Variants in GPR55 observed in about 807,000 individuals in gnomAD.
GPR55 encodes G protein-coupled receptor 55.
A neutral mutation model predicts 7.9 loss-of-function variants in GPR55; 6 were observed. The ratio of observed to expected loss-of-function variants is 0.76; its 90% CI spans 0.41 to 1.49. GPR55 has a LOEUF of 1.49. GPR55 is among the 40% of genes most tolerant of loss of function. The pLI is 0.01. For synonymous variants in GPR55, 183 were observed against 166.8 expected (o/e 1.10, Z -0.75); for missense variants, 376 against 406.0 (o/e 0.93, Z 0.63).
At chr2:230,940,561 C>T (rs972658326) in intron 1 of GPR55, among the ~76,000 whole-genome samples, 18 of 152,194 alleles carry the variant, frequency 1.2e-4, no homozygotes, top group African/African-American at 4.3e-4. Context: ...TAGGGAGGAG[C>T]CAGTCCACAC....
chr2:230,938,384 G>A lies in GPR55; in HGVS notation c.-135+22391C>T, dbSNP rs570789135. Among the ~76,000 whole-genome samples, 40 of 128,118 alleles carry A rather than the reference G, an allele frequency of 3.1e-4. No homozygotes were observed. The South Asian group carries it at 9.6e-3, about 31-fold the overall frequency. 84.1% of individuals were successfully genotyped at this position (128,118 alleles called of 152,430 possible). On this transcript the variant is annotated intron_variant, in intron 1 of 1. Transcript: ENST00000392039. ...GAAATACAATCAAAGTTCTCTTTCT[G>A]TAACCAGATGACCAAAAAAAAAAAA...
chr2:230,941,754 G>A (rs562651883), intron 1 of GPR55, among the ~76,000 whole-genome samples: 7 of 152,278 alleles, frequency 4.6e-5, no homozygotes, highest in South Asian at 2.1e-4. Context: ...TCAACTCGGG[G>A]TCCCCTTTAT....
chr2:230,915,085 C>T (rs1690678783), intron 1 of GPR55, among the ~76,000 whole-genome samples: 1 of 152,246 alleles, frequency 6.6e-6, no homozygotes, highest in South Asian at 2.1e-4. Flanking sequence ...GCAGAAATCG[C>T]CCCAGGCTAG....
intron 1 of GPR55, among the ~76,000 whole-genome samples, chr2:230,949,153 TTTTGTTTG>T (rs200391901): frequency 1.3e-5 from 2 of 151,350 alleles, no homozygotes; most frequent in Non-Finnish European, 1.5e-5. Context: ...ATGGCTCTTT[TTTTGTTTG>T]TTTGTTTGTT....
At chr2:230,935,744 C>A (rs538720476) in intron 1 of GPR55, among the ~76,000 whole-genome samples, 1 of 152,274 alleles carries the variant, frequency 6.6e-6, no homozygotes, top group East Asian at 1.9e-4. Context: ...GGTTCAGTAT[C>A]CTTTGTCAGA....
At chr2:230,925,010 G>A (rs998667684) in intron 1 of GPR55, among the ~76,000 whole-genome samples, 158 bp downstream of exon 1, 6 of 152,168 alleles carry the variant, frequency 3.9e-5, no homozygotes, top group Non-Finnish European at 5.9e-5. Flanking sequence ...CCGCTGCCCT[G>A]ACACCTGGGA....
chr2:230,919,985 GAA>G (rs200407134), intron 1 of GPR55, among the ~76,000 whole-genome samples: 1 of 142,762 alleles, frequency 7.0e-6, no homozygotes. Flanking sequence ...GCATAGAGGG[GAA>G]AAAAAAAAAA....
chr2:230,957,735 T>C (rs878898125), intron 1 of GPR55: 2 of 538,560 alleles, frequency 3.7e-6, no homozygotes, highest in East Asian at 5.1e-5. Flanking sequence ...GGCTTTGGAC[T>C]TTTTTTTTGT....
intron 1 of GPR55, among the ~76,000 whole-genome samples, chr2:230,919,998 C>A (rs1341172419): frequency 6.8e-6 from 1 of 147,568 alleles, no homozygotes; most frequent in Admixed American, 6.7e-5. Context: ...AAAAAAAAAA[C>A]CTAAAAAAAG....
At position 230,907,993 on chromosome 2, in the gene GPR55, C is replaced by T. The variant is rs534038759; in HGVS notation, c.*2010G>A. 13 of 152,276 alleles carry T rather than the reference C, an allele frequency of 8.5e-5. No individual in the cohort carries two copies. Among genetic ancestry groups the T allele is most frequent in the African/African-American group, 2.9e-4 (12 of 41,520 alleles). 9.4% of individuals were successfully genotyped at this position (152,276 alleles called of 1,614,324 possible). ...TAAATCCACCACCCGTAGACACTGA[C>T]CCGAACCAGCCCCAAATGCCCCGTT... On this transcript the variant is annotated 3_prime_UTR_variant, in exon 2 of 2. Transcript: ENST00000650999.
intron 1 of GPR55, among the ~76,000 whole-genome samples, chr2:230,954,448 C>T (rs1202642516): frequency 2.0e-5 from 3 of 152,228 alleles, no homozygotes; most frequent in Non-Finnish European, 4.4e-5. Context: ...ATGCCACTGG[C>T]CGAAGCCTCC....
At position 230,910,819 on chromosome 2, in the gene GPR55, G is replaced by A. The variant is rs1159524249; in HGVS notation, c.144C>T (p.Phe48=). Residue 48 remains phenylalanine, a synonymous_variant, in exon 2 of 2, where the codon TTC becomes TTT. Transcript: ENST00000650999. The surrounding 1 kb of genome is among the most constrained non-coding windows in gnomAD (Gnocchi z 5.4). ...NLLAIHGFST[F]LKNRWPDYAA... The stretch of plus-strand genomic sequence containing the variant: ...CATAATCGGGCCACCTGTTCTTAAG[G>A]AAGGTGCTGAAGCCATGGATGGCCA... 2 of 1,614,166 alleles carry A rather than the reference G, an allele frequency of 1.2e-6. No homozygotes were observed. Among genetic ancestry groups the A allele is most frequent in the Non-Finnish European group, 1.7e-6 (2 of 1,179,996 alleles).
intron 1 of GPR55, among the ~76,000 whole-genome samples, chr2:230,922,695 G>T (rs1013450330): frequency 2.4e-4 from 36 of 151,756 alleles, no homozygotes; most frequent in Non-Finnish European, 4.3e-4. Context: ...CCTGCCTCAG[G>T]CTCCTGAGTA....
intron 1 of GPR55, among the ~76,000 whole-genome samples, chr2:230,951,619 A>G (rs2125070028): frequency 6.6e-6 from 1 of 152,270 alleles, no homozygotes; most frequent in African/African-American, 2.4e-5. Flanking sequence ...AGGAGTTCAA[A>G]AGGCTGACAG....
chr2:230,932,033 T>C (rs1290694136), intron 1 of GPR55, among the ~76,000 whole-genome samples: 1 of 151,834 alleles, frequency 6.6e-6, no homozygotes, highest in Non-Finnish European at 1.5e-5. Flanking sequence ...CTCCTCACCA[T>C]CCCCAGACAG....
chr2:230,917,168 G>A (rs749953483), intron 1 of GPR55, among the ~76,000 whole-genome samples: 9 of 152,160 alleles, frequency 5.9e-5, no homozygotes, highest in South Asian at 2.1e-4. Context: ...CTTATACACC[G>A]AATGGTGGAA....
intron 1 of GPR55, among the ~76,000 whole-genome samples, chr2:230,941,074 A>G (rs539025324): frequency 0.024 from 3,687 of 151,904 alleles, 137 homozygotes; most frequent in African/African-American, 0.085. Flanking sequence ...CCAAGATGGC[A>G]CCACTGCACT....
chr2:230,911,543 A>G (rs1453515780), intron 1 of GPR55, among the ~76,000 whole-genome samples: 1 of 152,210 alleles, frequency 6.6e-6, no homozygotes, highest in Non-Finnish European at 1.5e-5. Context: ...GTAGCTGGTT[A>G]GTTCATTGGT....
chr2:230,937,046 G>A (rs6748156), intron 1 of GPR55, among the ~76,000 whole-genome samples: 13,296 of 152,032 alleles, frequency 0.087, 1,504 homozygotes, highest in African/African-American at 0.26. Flanking sequence ...AACACAATAG[G>A]CTTCCTTGAA....
Sources: gnomAD v4.1 joint callset for allele counts (sites outside exome capture counted in the v4.1 genomes callset) on GRCh38, gnomAD v4.1.1 for gene constraint, Gnocchi (gnomAD v3.1) non-coding constraint, MANE v1.5 for transcripts, NCBI Gene and HGNC (gene_info 2026-07-23, HGNC 2026-07-21) for gene names.